The following NFKBIA variants were observed in gnomAD, a reference collection of about 807,000 sequenced individuals.
NFKBIA encodes NF-kappa-B inhibitor alpha.
In NFKBIA, 10 loss-of-function variants were observed where a neutral mutation model predicts 36.3. That is an observed-to-expected ratio of 0.28 (90% CI 0.17 to 0.47). The LOEUF is 0.47. Ranked by LOEUF, NFKBIA falls within the 20% of genes least tolerant of loss-of-function variation. The probability of loss-of-function intolerance (pLI) is 0.99; values close to 1 mark genes in which losing one functional copy is unlikely to be tolerated. For synonymous variants in NFKBIA, 205 were observed against 164.4 expected (o/e 1.25, Z -1.89); for missense variants, 355 against 399.3 (o/e 0.89, Z 0.94).
chr14:35,403,395 A>G, intron 2 of NFKBIA, 35 bp from the exon 3 acceptor site: 1 of 1,610,322 alleles, frequency 6.2e-7, no homozygotes. Context: ...AAAGTAAGCC[A>G]TGGACCAAAC....
At chr14:35,402,350 T>TTAGGGTGA (rs1448099115) in intron 5 of NFKBIA, 44 bp downstream of exon 5, 4 of 1,611,308 alleles carry the variant, frequency 2.5e-6, no homozygotes, top group African/African-American at 2.7e-5. Flanking sequence ...GTGAAGGGAA[T>TTAGGGTGA]GGCACCTCAT....
rs2138830750 is a variant in NFKBIA at position 35,402,599 on chromosome 14, G to C, written c.701C>G (p.Ser234Ter). ...ATCAGCCCCACACTTCAACAGGAGT[G>C]ACACCAGGTCAGGATTTTGCAGGTC... is the stretch of plus-strand genomic sequence containing the variant. ...AVDLQNPDLV[S>*]LLLKCGADVN... Residue 234 changes from serine to a stop codon, truncating the protein, a stop_gained, in exon 5 of 6, where the codon TCA (serine) becomes TGA (stop). Coordinates refer to ENST00000216797, the MANE Select transcript of NFKBIA (RefSeq NM_020529.3). LOFTEE classifies it high-confidence loss of function. 6.2e-7 allele frequency: 1 copy of C among 1,614,250 alleles called. No individual in the cohort carries two copies. The highest frequency in any genetic ancestry group is 8.5e-7 in the Non-Finnish European group (1 of 1,180,050).
Position 35,401,743 on chromosome 14 carries a change from T to TTGATA in NFKBIA, c.*265_*269dup, listed in dbSNP as rs1438524338. The stretch of plus-strand genomic sequence containing the variant: ...AAAATGTGGTCCTTCCATGAAATTT[T>TTGATA]TGATAACCTTCTCCAAAAACCCCAC... On this transcript the variant is annotated 3_prime_UTR_variant, in exon 6 of 6. Coordinates refer to ENST00000216797, the MANE Select transcript of NFKBIA (RefSeq NM_020529.3). 3 of 525,074 alleles carry TTGATA rather than the reference T, an allele frequency of 5.7e-6. No homozygotes were observed. In the Admixed American group the frequency reaches 1.0e-4, roughly 17 times the overall value. The allele number at this position is 525,074 out of a possible 1,614,324, so 32.5% of individuals were successfully genotyped here.
chr14:35,403,845 G>T, intron 1 of NFKBIA, 47 bp from the exon 2 acceptor site: 1 of 1,418,118 alleles, frequency 7.1e-7, no homozygotes, highest in Non-Finnish European at 9.9e-7. Context: ...AGTGCACCGC[G>T]TGGGGCCCAG....
At chr14:35,404,039 C>G (rs1193234626) in intron 1 of NFKBIA, 1 of 543,746 alleles carries the variant, frequency 1.8e-6, no homozygotes, top group Non-Finnish European at 3.3e-6. Flanking sequence ...CAGCTCGGAA[C>G]GCCCTGTACT....
intron 1 of NFKBIA, 173 bp from the exon 2 acceptor site, chr14:35,403,971 C>T (rs1389086107): frequency 3.2e-6 from 2 of 631,600 alleles, no homozygotes; most frequent in Non-Finnish European, 5.7e-6. Flanking sequence ...CAGGGACTTT[C>T]CGCCCCCCTC....
Position 35,403,731 on chromosome 14 carries a change from C to T in NFKBIA, c.295G>A (p.Gly99Arg), listed in dbSNP as rs2138832789. Residue 99 changes from glycine (G) to arginine (R), a missense_variant, in exon 2 of 6, where the codon GGA becomes AGA. By Grantham distance (125) the Gly-to-Arg change is moderately radical. Transcript: ENST00000216797. ...TGGAAGTTGAGGAAGGCCAGGTCTCCCTTCACCTGGCGGATCACTTCCATG... is the reference window on the plus strand; with the variant it reads ...TGGAAGTTGAGGAAGGCCAGGTCTCTCTTCACCTGGCGGATCACTTCCATG... ...LTMEVIRQVK[G>R]DLAFLNFQNN... is the part of the protein sequence containing the mutation. 6.2e-7 allele frequency: 1 copy of T among 1,613,950 alleles called. No individual in the cohort carries two copies. The highest frequency in any genetic ancestry group is 2.2e-5 in the East Asian group (1 of 44,874).
At chr14:35,402,291 ATT>A in intron 5 of NFKBIA, 101 bp downstream of exon 5, 1 of 1,415,178 alleles carries the variant, frequency 7.1e-7, no homozygotes, top group Non-Finnish European at 1.0e-6. Flanking sequence ...TGAGAGACTC[ATT>A]ATGTAGATAC....
At position 35,401,837 on chromosome 14, in the gene NFKBIA, C is replaced by G. The variant is rs45438895; in HGVS notation, c.*176G>C. 4 of 691,508 alleles carry G rather than the reference C, an allele frequency of 5.8e-6. No individual in the cohort carries two copies. Among genetic ancestry groups the G allele is most frequent in the Non-Finnish European group, 9.9e-6 (4 of 402,560 alleles). The allele number at this position is 691,508 out of a possible 1,614,324, so 42.8% of individuals were successfully genotyped here. A position where few individuals can be genotyped will look rare whatever the true frequency, so the allele number is the denominator to read the frequency against. ...TTTCTCGTCCCCTACAAAAAGTTCACAAAAGCAACAAAATGAGGGCTGATC... is the reference window on the plus strand; with the variant it reads ...TTTCTCGTCCCCTACAAAAAGTTCAGAAAAGCAACAAAATGAGGGCTGATC... On this transcript the variant is annotated 3_prime_UTR_variant, in exon 6 of 6. Coordinates refer to ENST00000216797, the MANE Select transcript of NFKBIA (RefSeq NM_020529.3).
chr14:35,403,522 C>T (rs1304414839), intron 2 of NFKBIA, 162 bp from the exon 3 acceptor site: 10 of 899,798 alleles, frequency 1.1e-5, no homozygotes, highest in Non-Finnish European at 1.8e-5. Flanking sequence ...AAAGACCTCA[C>T]CAAATCAGTG....
intron 2 of NFKBIA, 152 bp downstream of exon 2, chr14:35,403,538 T>A: frequency 1.1e-6 from 1 of 875,032 alleles, no homozygotes; most frequent in East Asian, 2.6e-5. Flanking sequence ...CAGTGGAATT[T>A]CCTTCACTCT....
intron 1 of NFKBIA, 55 bp downstream of exon 1, chr14:35,404,363 G>A (rs1216307551): frequency 8.9e-7 from 1 of 1,117,874 alleles, no homozygotes; most frequent in East Asian, 3.5e-5. Flanking sequence ...CCACCCCCAG[G>A]CCGCGCGCGT....
In NFKBIA at chr14:35,403,743, G is replaced by A. The variant is rs779105881; in HGVS notation, c.283C>T (p.Arg95Cys). The A allele has an allele frequency of 1.9e-5, 31 of 1,613,850 alleles. No individual in the cohort carries two copies. The highest frequency in any genetic ancestry group is 6.7e-5 in the Admixed American group (4 of 59,986). The change falls in exon 2 of 6, where the codon CGC (arginine) becomes TGC (cysteine). Residue 95 changes from arginine (R) to cysteine (C), a missense_variant. Arg to Cys is a radical substitution (Grantham distance 180). Transcript: ENST00000216797. ...AAGGCCAGGTCTCCCTTCACCTGGC[G>A]GATCACTTCCATGGTCAGTGCCTTT... Reference protein sequence around the residue: ...EEKALTMEVIRQVKGDLAFLN... With the variant: ...EEKALTMEVICQVKGDLAFLN...
At chr14:35,402,332 C>G in intron 5 of NFKBIA, 62 bp downstream of exon 5, 1 of 1,600,370 alleles carries the variant, frequency 6.2e-7, no homozygotes, top group Non-Finnish European at 8.6e-7. Flanking sequence ...CTCTAGGGGC[C>G]TGGGAGGGTG....
At chr14:35,402,235 A>AATAAGCTATTAAAAAAAGG (rs1555342768) in intron 5 of NFKBIA, among the ~76,000 whole-genome samples, 159 bp downstream of exon 5, 5 of 148,832 alleles carry the variant, frequency 3.4e-5, no homozygotes, top group Non-Finnish European at 4.4e-5. Flanking sequence ...TTAAAAAAAG[A>AATAAGCTATTAAAAAAAGG]GGGGGGGCAG....
chr14:35,404,673 G>C lies in NFKBIA; in HGVS notation c.-29C>G, dbSNP rs757788159. On this transcript the variant is annotated 5_prime_UTR_variant, in exon 1 of 6. Coordinates refer to ENST00000216797, the MANE Select transcript of NFKBIA (RefSeq NM_020529.3). Reference sequence around the variant, plus strand: ...GCGGACGAGCTGCGGGCGCTGCTGCGGGTGCGCTGGGCCGCGGGCTGCGCG... The same window carrying C: ...GCGGACGAGCTGCGGGCGCTGCTGCCGGTGCGCTGGGCCGCGGGCTGCGCG... 6 of 1,420,060 alleles carry C rather than the reference G, an allele frequency of 4.2e-6. No homozygotes were observed. The highest frequency in any genetic ancestry group is 5.6e-6 in the Non-Finnish European group (6 of 1,079,194). 88.0% of individuals were successfully genotyped at this position (1,420,060 alleles called of 1,614,324 possible).
chr14:35,403,970 T>C, intron 1 of NFKBIA, 172 bp from the exon 2 acceptor site: 1 of 631,398 alleles, frequency 1.6e-6, no homozygotes, highest in Non-Finnish European at 2.9e-6. Flanking sequence ...CCAGGGACTT[T>C]CCGCCCCCCT....
intron 1 of NFKBIA, 111 bp from the exon 2 acceptor site, chr14:35,403,909 C>T: frequency 2.5e-6 from 2 of 792,068 alleles, no homozygotes; most frequent in Non-Finnish European, 4.3e-6. Flanking sequence ...GAGGCCGAGG[C>T]CGCGGTGTTT....
chr14:35,402,890 A>C, intron 3 of NFKBIA, 31 bp from the exon 4 acceptor site: 1 of 1,579,098 alleles, frequency 6.3e-7, no homozygotes, highest in African/African-American at 1.3e-5. Flanking sequence ...AAGTATAACC[A>C]CCTGTTTCAA....
Sources: allele counts gnomAD v4.1 joint callset (sites outside exome capture counted in the v4.1 genomes callset), GRCh38; gene constraint gnomAD v4.1.1; transcripts MANE v1.5; gene names NCBI Gene and HGNC (gene_info 2026-07-23, HGNC 2026-07-21).